Variants in ADGRL4 observed in about 807,000 individuals in gnomAD.
The protein encoded by ADGRL4 is adhesion G protein-coupled receptor L4.
A neutral mutation model predicts 74.8 loss-of-function variants in ADGRL4; 90 were observed. The ratio of observed to expected loss-of-function variants is 1.20; its 90% CI spans 1.02 to 1.43. The LOEUF (loss-of-function observed/expected upper bound fraction) is 1.43, where lower values mean the gene tolerates loss of function less well. ADGRL4 is among the 40% of genes most tolerant of loss of function. ADGRL4 has a pLI of 0.00. For missense variants in ADGRL4, 881 were observed against 814.3 expected (o/e 1.08, Z -1.00); for synonymous variants, 311 against 279.2 (o/e 1.11, Z -1.14).
At chr1:78,969,643 C>CAGGACA (rs1475051677) in intron 2 of ADGRL4, among the ~76,000 whole-genome samples, 3 of 151,264 alleles carry the variant, frequency 2.0e-5, no homozygotes, top group African/African-American at 7.3e-5. Flanking sequence ...TTCAAATAAT[C>CAGGACA]AGGACAAGTA....
At chr1:78,897,969 T>C (rs1195593667) in intron 12 of ADGRL4, among the ~76,000 whole-genome samples, 1 of 152,008 alleles carries the variant, frequency 6.6e-6, no homozygotes, top group African/African-American at 2.4e-5. Context: ...AGAATCAGTA[T>C]CACCTAAAGA....
At chr1:78,991,465 T>G (rs1650606579) in intron 2 of ADGRL4, among the ~76,000 whole-genome samples, 1 of 152,022 alleles carries the variant, frequency 6.6e-6, no homozygotes, top group Non-Finnish European at 1.5e-5. Flanking sequence ...AAACTAACAC[T>G]TAAGGTATGG....
Position 79,006,706 on chromosome 1 carries a change from G to A in ADGRL4, c.-52C>T, listed in dbSNP as rs765544396. On this transcript the variant is annotated 5_prime_UTR_variant, in exon 1 of 15. Coordinates refer to ENST00000370742, the MANE Select transcript of ADGRL4 (RefSeq NM_022159.4). ...GCGGAGAGCGCGGCGGAGTGAGTGC[G>A]GCTGTGGACCCGGGACCGGGCGCCG... 39 of 1,424,198 alleles carry A rather than the reference G, an allele frequency of 2.7e-5. No individual in the cohort carries two copies. The South Asian group carries it at 5.6e-4, about 21-fold the overall frequency. The allele number at this position is 1,424,198 out of a possible 1,614,324, so 88.2% of individuals were successfully genotyped here.
At chr1:78,973,604 T>C (rs1650216061) in intron 2 of ADGRL4, among the ~76,000 whole-genome samples, 1 of 149,522 alleles carries the variant, frequency 6.7e-6, no homozygotes, top group African/African-American at 2.4e-5. Flanking sequence ...TGGTAATATA[T>C]ATTATCTTAA....
At chr1:78,980,633 G>A (rs1349053059) in intron 2 of ADGRL4, among the ~76,000 whole-genome samples, 4 of 151,900 alleles carry the variant, frequency 2.6e-5, no homozygotes, top group South Asian at 4.2e-4. Flanking sequence ...TTACCACTGA[G>A]AGTACTAGCT....
intron 2 of ADGRL4, among the ~76,000 whole-genome samples, chr1:79,003,661 A>C (rs1170184070): frequency 2.0e-5 from 3 of 152,072 alleles, no homozygotes; most frequent in African/African-American, 7.2e-5. Context: ...AAGGTCCAAA[A>C]TGTGAAAATT....
At chr1:78,971,151 A>C (rs1259057469) in intron 2 of ADGRL4, among the ~76,000 whole-genome samples, 1 of 152,092 alleles carries the variant, frequency 6.6e-6, no homozygotes, top group Admixed American at 6.6e-5. Context: ...GAACCCTTAG[A>C]TAGGCCTCTA....
intron 7 of ADGRL4, among the ~76,000 whole-genome samples, chr1:78,927,718 C>G (rs1057018634): frequency 6.6e-6 from 1 of 152,034 alleles, no homozygotes; most frequent in Non-Finnish European, 1.5e-5. Context: ...ATCATAAATA[C>G]AAATATTAAT....
At chr1:78,952,374 C>T (rs896505922) in intron 2 of ADGRL4, among the ~76,000 whole-genome samples, 9 of 130,330 alleles carry the variant, frequency 6.9e-5, no homozygotes, top group Admixed American at 8.7e-5. Flanking sequence ...AGCTGCTGGG[C>T]TCATTTGTTT....
rs761287512 is a variant in ADGRL4, at chr1:79,006,666, G to A, written c.-12C>T. On this transcript the variant is annotated 5_prime_UTR_variant, in exon 1 of 15. Coordinates refer to ENST00000370742, the MANE Select transcript of ADGRL4 (RefSeq NM_022159.4). ...GGGAGGCGTTTCATTGGCGGTGGCC[G>A]CAGTGGTGGCGGTGGCGGAGAGCGC... 7 of 1,494,670 alleles carry A rather than the reference G, an allele frequency of 4.7e-6. No individual in the cohort carries two copies. Among genetic ancestry groups the A allele is most frequent in the Non-Finnish European group, 2.7e-6 (3 of 1,123,872 alleles). The allele number at this position is 1,494,670 out of a possible 1,614,324, so 92.6% of individuals were successfully genotyped here.
At chr1:78,916,136 T>C (rs956422005) in intron 12 of ADGRL4, among the ~76,000 whole-genome samples, 1 of 151,902 alleles carries the variant, frequency 6.6e-6, no homozygotes, top group African/African-American at 2.4e-5. Context: ...ATTCTCTGTA[T>C]CTTACCATAA....
At chr1:78,957,450 A>G (rs1313149817) in intron 2 of ADGRL4, among the ~76,000 whole-genome samples, 1 of 152,182 alleles carries the variant, frequency 6.6e-6, no homozygotes, top group African/African-American at 2.4e-5. Flanking sequence ...GAACATACAA[A>G]TGCTAAGAAA....
At chr1:78,940,777 T>C (rs1487094379) in intron 3 of ADGRL4, among the ~76,000 whole-genome samples, 1 of 152,184 alleles carries the variant, frequency 6.6e-6, no homozygotes, top group African/African-American at 2.4e-5. Flanking sequence ...ATTTAAAATG[T>C]CATCTAGCTA....
intron 7 of ADGRL4, 122 bp downstream of exon 7, chr1:78,936,173 C>G: frequency 1.2e-6 from 1 of 802,844 alleles, no homozygotes; most frequent in Admixed American, 2.8e-5. Context: ...GTATACTGTA[C>G]ATACATCAAA....
chr1:78,914,196 C>T (rs115441240), intron 12 of ADGRL4, among the ~76,000 whole-genome samples: 2,475 of 151,964 alleles, frequency 0.016, 84 homozygotes, highest in African/African-American at 0.057. Context: ...GTCACATCCA[C>T]AAACAAGGTC....
chr1:78,960,029 T>C (rs1479954012), intron 2 of ADGRL4, among the ~76,000 whole-genome samples: 1 of 152,156 alleles, frequency 6.6e-6, no homozygotes, highest in Non-Finnish European at 1.5e-5. Flanking sequence ...AGAATACTCA[T>C]TAACAATAGA....
intron 3 of ADGRL4, among the ~76,000 whole-genome samples, chr1:78,940,871 CA>C (rs1649461805): frequency 6.6e-6 from 1 of 152,036 alleles, no homozygotes; most frequent in South Asian, 2.1e-4. Context: ...TTCACACCAC[CA>C]AAACTGAAAA....
Position 78,920,430 on chromosome 1 carries a change from A to C in ADGRL4, c.1258-44T>G, listed in dbSNP as rs1020936418. 5 of 1,228,308 alleles carry C rather than the reference A, an allele frequency of 4.1e-6. No homozygotes were observed. In the African/African-American group the frequency reaches 7.6e-5, roughly 19 times the overall value. The allele number at this position is 1,228,308 out of a possible 1,614,324, so 76.1% of individuals were successfully genotyped here. ...AAAGCAGTTAAAAGAATAACTCACT[A>C]AGTTGTCAAAGGAACTACAACATAT... On this transcript the variant is annotated intron_variant, in intron 9 of 14. Transcript: ENST00000370742.
chr1:78,906,216 C>T (rs889563246), intron 12 of ADGRL4, among the ~76,000 whole-genome samples: 2 of 152,026 alleles, frequency 1.3e-5, no homozygotes, highest in African/African-American at 4.8e-5. Context: ...AATCCTCATG[C>T]TATAGCTTAT....
Sources: gnomAD v4.1 joint callset for allele counts (sites outside exome capture counted in the v4.1 genomes callset) on GRCh38, gnomAD v4.1.1 for gene constraint, MANE v1.5 for transcripts, NCBI Gene and HGNC (gene_info 2026-07-23, HGNC 2026-07-21) for gene names.